The following MB21D2 variants were observed in gnomAD, a reference collection of about 807,000 sequenced individuals.
The protein encoded by MB21D2 is nucleotidyltransferase MB21D2.
A neutral mutation model predicts 33.3 loss-of-function variants in MB21D2; 9 were observed. The ratio of observed to expected loss-of-function variants is 0.27; its 90% CI spans 0.16 to 0.47. MB21D2 has a LOEUF of 0.47. MB21D2 is among the 20% of genes least tolerant of loss of function. The probability of loss-of-function intolerance (pLI) is 0.99; values close to 1 mark genes in which losing one functional copy is unlikely to be tolerated. For synonymous variants in MB21D2, 241 were observed against 236.3 expected (o/e 1.02, Z -0.18); for missense variants, 540 against 624.6 (o/e 0.86, Z 1.44).
At chr3:192,893,544 C>T (rs1713900033) in intron 1 of MB21D2, among the ~76,000 whole-genome samples, 1 of 152,164 alleles carries the variant, frequency 6.6e-6, no homozygotes, top group Admixed American at 6.5e-5. Flanking sequence ...AGGCTGCCAA[C>T]ACCCCTTGAC....
At chr3:192,813,079 G>A (rs564235244) in intron 1 of MB21D2, among the ~76,000 whole-genome samples, 5 of 152,174 alleles carry the variant, frequency 3.3e-5, no homozygotes, top group Admixed American at 3.3e-4. Context: ...TCAGTCCCAG[G>A]CCTATTTACT....
At chr3:192,866,357 A>G (rs567491094) in intron 1 of MB21D2, among the ~76,000 whole-genome samples, 226 of 152,318 alleles carry the variant, frequency 1.5e-3, no homozygotes, top group South Asian at 0.014. Context: ...TGCTGGGATT[A>G]AAAAAACAAA....
chr3:192,840,871 C>T (rs1384001376), intron 1 of MB21D2, among the ~76,000 whole-genome samples: 1 of 152,208 alleles, frequency 6.6e-6, no homozygotes, highest in East Asian at 1.9e-4. Flanking sequence ...TCATTGGGAG[C>T]TTCCAAGTTG....
rs1712230407 is a variant in MB21D2 at position 192,828,591 on chromosome 3, CATATATA to C, written c.212-28948_212-28942del. Among the ~76,000 whole-genome samples the C allele has an allele frequency of 3.9e-4, 21 of 54,140 alleles. 3 individuals carry two copies. The highest frequency in any genetic ancestry group is 8.3e-4 in the Admixed American group (3 of 3,634). The allele number at this position is 54,140 out of a possible 152,430, so 35.5% of individuals were successfully genotyped here. A position where few individuals can be genotyped will look rare whatever the true frequency, so the allele number is the denominator to read the frequency against. On this transcript the variant is annotated intron_variant, in intron 1 of 1. Transcript: ENST00000392452. ...TATATACAATAAAACTCACCCCCCC[CATATATA>C]TATATATATATATATATATATATAT... is the stretch of plus-strand genomic sequence containing the variant.
At chr3:192,812,429 A>G (rs564369908) in intron 1 of MB21D2, among the ~76,000 whole-genome samples, 2 of 152,246 alleles carry the variant, frequency 1.3e-5, no homozygotes, top group African/African-American at 4.8e-5. Context: ...CCACCCTAAC[A>G]CAAGAGAAGT....
intron 1 of MB21D2, among the ~76,000 whole-genome samples, chr3:192,906,625 C>A (rs1714220648): frequency 6.6e-6 from 1 of 152,206 alleles, no homozygotes; most frequent in African/African-American, 2.4e-5. Flanking sequence ...CTCTATCCTA[C>A]CCAGCTGCCC....
At chr3:192,820,594 G>A (rs1712026333) in intron 1 of MB21D2, among the ~76,000 whole-genome samples, 1 of 152,236 alleles carries the variant, frequency 6.6e-6, no homozygotes, top group Admixed American at 6.5e-5. Flanking sequence ...GCTGATGAAA[G>A]CGTCTGCGTA....
At chr3:192,878,991 A>G (rs990720892) in intron 1 of MB21D2, among the ~76,000 whole-genome samples, 1 of 152,136 alleles carries the variant, frequency 6.6e-6, no homozygotes, top group African/African-American at 2.4e-5. Context: ...AGAAAAAAGA[A>G]TCACCATGCC....
intron 1 of MB21D2, among the ~76,000 whole-genome samples, chr3:192,834,353 A>T (rs1560234540): frequency 6.6e-6 from 1 of 151,646 alleles, no homozygotes; most frequent in African/African-American, 2.4e-5. Context: ...ACAAACAAAA[A>T]AACCCAAATC....
At chr3:192,852,170 G>C (rs1261602907) in intron 1 of MB21D2, among the ~76,000 whole-genome samples, 2 of 152,216 alleles carry the variant, frequency 1.3e-5, no homozygotes, top group African/African-American at 4.8e-5. Flanking sequence ...TATGGGGCGA[G>C]ATGCCTCCTT....
rs371309091 is a variant in MB21D2 at position 192,905,562 on chromosome 3, G to C, written c.211+12068C>G. 7.2e-4 allele frequency among the ~76,000 whole-genome samples: 108 copies of C among 150,550 alleles called. 1 individual carries two copies. Among genetic ancestry groups the C allele is most frequent in the African/African-American group, 2.5e-3 (101 of 40,994 alleles). The stretch of plus-strand genomic sequence containing the variant: ...TGAGGCAGGAGAATCGCTTGAACCC[G>C]GGAGGCAGAGGTTCAAGTGAGCCGA... On this transcript the variant is annotated intron_variant, in intron 1 of 1. Transcript: ENST00000392452.
intron 1 of MB21D2, among the ~76,000 whole-genome samples, chr3:192,878,081 C>CTTTTTTTTTTTTTTTTTTTTTTTTTTT (rs11294126): frequency 1.7e-5 from 2 of 119,534 alleles, no homozygotes; most frequent in Admixed American, 9.6e-5. Context: ...AATTCCTCCT[C>CTTTTTTTTTTTTTTTTTTTTTTTTTTT]TTTTTTTTTT....
intron 1 of MB21D2, among the ~76,000 whole-genome samples, chr3:192,839,433 G>A (rs1354575073): frequency 6.6e-6 from 1 of 152,146 alleles, no homozygotes; most frequent in African/African-American, 2.4e-5. Flanking sequence ...CCTGTAAAAT[G>A]TACTTAAACA....
chr3:192,868,730 A>G (rs971337910), intron 1 of MB21D2, among the ~76,000 whole-genome samples: 3 of 152,198 alleles, frequency 2.0e-5, no homozygotes, highest in Non-Finnish European at 4.4e-5. Context: ...TGCTATGCCC[A>G]AGGAAGGATG....
intron 1 of MB21D2, among the ~76,000 whole-genome samples, chr3:192,828,591 C>CCCT (rs577556016): frequency 1.8e-5 from 1 of 54,132 alleles, no homozygotes; most frequent in Non-Finnish European, 3.9e-5. Flanking sequence ...TCACCCCCCC[C>CCCT]ATATATATAT....
At position 192,798,419 on chromosome 3, in the gene MB21D2, C is replaced by T. The variant is rs1484210231; in HGVS notation, c.1443G>A (p.Arg481=). 4.3e-6 allele frequency: 7 copies of T among 1,613,996 alleles called. No individual in the cohort carries two copies. The highest frequency in any genetic ancestry group is 5.1e-6 in the Non-Finnish European group (6 of 1,180,018). The change falls in exon 2 of 2, where the codon AGG becomes AGA. Residue 481 remains arginine (R), a synonymous_variant. Coordinates refer to ENST00000392452, the MANE Select transcript of MB21D2 (RefSeq NM_178496.4). The surrounding 1 kb of genome is among the most constrained non-coding windows in gnomAD (Gnocchi z 4.8). ...SVFINPDDVT[R]PHFRIDDKFF is the part of the protein sequence containing the mutation. ...ATTTGTCATCAATTCTGAAATGGGG[C>T]CTTGTGACATCGTCAGGATTGATAA...
chr3:192,821,228 T>C (rs956218468), intron 1 of MB21D2, among the ~76,000 whole-genome samples: 29 of 152,192 alleles, frequency 1.9e-4, no homozygotes, highest in African/African-American at 6.5e-4. Flanking sequence ...TATTAATCTT[T>C]ATAATGCCCT....
chr3:192,916,717 C>A (rs931445859), intron 1 of MB21D2, among the ~76,000 whole-genome samples: 1 of 152,210 alleles, frequency 6.6e-6, no homozygotes, highest in Non-Finnish European at 1.5e-5. Context: ...GTCTCCCGGG[C>A]CTGGCTCAAT....
intron 1 of MB21D2, among the ~76,000 whole-genome samples, chr3:192,827,648 C>G (rs4687365): frequency 0.38 from 57,934 of 151,926 alleles, 11,642 homozygotes; most frequent in East Asian, 0.62. Flanking sequence ...AACCAGGTCT[C>G]GCTCATTCCA....
Sources: allele counts gnomAD v4.1 joint callset (sites outside exome capture counted in the v4.1 genomes callset), GRCh38; gene constraint gnomAD v4.1.1; non-coding constraint Gnocchi (gnomAD v3.1); transcripts MANE v1.5; gene names NCBI Gene and HGNC (gene_info 2026-07-23, HGNC 2026-07-21).